RCBTB1: variants seen among roughly 807,000 people sequenced by gnomAD.
RCBTB1 encodes the protein RCC1 and BTB domain containing protein 1.
In RCBTB1, 46 loss-of-function variants were observed where a neutral mutation model predicts 62.4. The observed-to-expected ratio is 0.74, with a 90% CI of 0.58 to 0.94. The LOEUF (loss-of-function observed/expected upper bound fraction) is 0.94. RCBTB1 is among the 40% of genes least tolerant of loss of function. The pLI is 0.00. For synonymous variants in RCBTB1, 222 were observed against 245.8 expected, an observed-to-expected ratio of 0.90 and a Z score of 0.91; for missense variants, 565 against 654.9, an observed-to-expected ratio of 0.86 and a Z score of 1.50.
chr13:49,536,994 G>T (rs1199468726), intron 12 of RCBTB1, among the ~76,000 whole-genome samples: 1 of 152,014 alleles, frequency 6.6e-6, no homozygotes, highest in Non-Finnish European at 1.5e-5. Context: ...ACAAAACACA[G>T]AGCATTGATG....
At chr13:49,571,585 T>A (rs1963404609) in intron 2 of RCBTB1, among the ~76,000 whole-genome samples, 1 of 152,172 alleles carries the variant, frequency 6.6e-6, no homozygotes, top group Non-Finnish European at 1.5e-5. Flanking sequence ...CCATGCATGC[T>A]CAACCTGGGC....
chr13:49,568,716 G>A (rs568995195), intron 2 of RCBTB1, among the ~76,000 whole-genome samples: 123 of 152,160 alleles, frequency 8.1e-4, no homozygotes, highest in African/African-American at 2.8e-3. Flanking sequence ...AGATCAGGAG[G>A]TCAAGAGATC....
intron 9 of RCBTB1, among the ~76,000 whole-genome samples, chr13:49,548,076 G>A (rs185523749): frequency 6.6e-6 from 1 of 151,448 alleles, no homozygotes; most frequent in Non-Finnish European, 1.5e-5. Context: ...ACCACACCCA[G>A]CCGGTTCTTC....
Position 49,582,899 on chromosome 13 carries a change from G to A in RCBTB1, c.-121-2315C>T, listed in dbSNP as rs368158256. 7.2e-5 allele frequency among the ~76,000 whole-genome samples: 11 copies of A among 152,256 alleles called. No homozygotes were observed. The South Asian group carries it at 1.7e-3, about 23-fold the overall frequency. On this transcript the variant is annotated intron_variant, in intron 1 of 12. Coordinates refer to ENST00000378302, the MANE Select transcript of RCBTB1 (RefSeq NM_018191.4). ...AGCAATAAACAGTGGAGTGGAGGCCGGGTGTGGTTGCTCACGCCTGTAATC... is the reference window on the plus strand; with the variant it reads ...AGCAATAAACAGTGGAGTGGAGGCCAGGTGTGGTTGCTCACGCCTGTAATC...
rs57586924 is a variant in RCBTB1, at chr13:49,563,355, C to CAAAAAA, written c.277+3257_277+3262dup. 3.3e-4 allele frequency among the ~76,000 whole-genome samples: 17 copies of CAAAAAA among 52,208 alleles called. 1 individual carries two copies. Among genetic ancestry groups the CAAAAAA allele is most frequent in the South Asian group, 2.0e-3 (2 of 976 alleles). The allele number at this position is 52,208 out of a possible 152,430, so 34.3% of individuals were successfully genotyped here. ...TGACAGAGAGAGAGAGACCCTGCCT[C>CAAAAAA]AAAAAAAAAAAAAAAAAAAAAAAAA... On this transcript the variant is annotated intron_variant, in intron 4 of 12. Transcript: ENST00000378302.
intron 2 of RCBTB1, among the ~76,000 whole-genome samples, chr13:49,578,823 C>T (rs1963932630): frequency 6.6e-6 from 1 of 152,110 alleles, no homozygotes; most frequent in South Asian, 2.1e-4. Flanking sequence ...AGCCTTCTTC[C>T]TTTTTTAGCA....
intron 4 of RCBTB1, 41 bp downstream of exon 4, chr13:49,566,577 A>G (rs1388235521): frequency 6.3e-7 from 1 of 1,593,708 alleles, no homozygotes; most frequent in South Asian, 1.1e-5. Flanking sequence ...TAACCGGTCA[A>G]TTTCTTACAA....
In RCBTB1 at chr13:49,576,177, CAAAAAAAAAAAAAA is replaced by C. The variant is rs71078868; in HGVS notation, c.-42+4314_-42+4327del. On this transcript the variant is annotated intron_variant, in intron 2 of 12. Transcript: ENST00000378302. ...ACTCCAGCCTGGGCGACAGGCGTCG[CAAAAAAAAAAAAAA>C]AAAAAAAAAAAAAAAGTTGAGATGA... 7.9e-3 allele frequency among the ~76,000 whole-genome samples: 317 copies of C among 40,004 alleles called. 1 individual carries two copies. Among genetic ancestry groups the C allele is most frequent in the African/African-American group, 0.039 (308 of 7,930 alleles). The allele number at this position is 40,004 out of a possible 152,430, so 26.2% of individuals were successfully genotyped here. A position where few individuals can be genotyped will look rare whatever the true frequency, so the allele number is the denominator to read the frequency against.
intron 8 of RCBTB1, 52 bp downstream of exon 8, chr13:49,551,274 C>CCCCAAGGCCACATCGCACACACAGT: frequency 6.3e-7 from 1 of 1,598,924 alleles, no homozygotes; most frequent in Non-Finnish European, 8.5e-7. Flanking sequence ...CCACACACAG[C>CCCCAAGGCCACATCGCACACACAGT]CCCAAGGCCA....
chr13:49,575,506 A>T (rs1402819076), intron 2 of RCBTB1, among the ~76,000 whole-genome samples: 1 of 152,080 alleles, frequency 6.6e-6, no homozygotes, highest in Non-Finnish European at 1.5e-5. Flanking sequence ...GAATCAACCT[A>T]GGTGCCCGTT....
chr13:49,566,765 A>G lies in RCBTB1; in HGVS notation c.130T>C (p.Phe44Leu), dbSNP rs1594326067. The change falls in exon 4 of 13, where the codon TTT becomes CTT. Residue 44 changes from phenylalanine (F) to leucine (L), a missense_variant. By Grantham distance (22) the Phe-to-Leu change is conservative. Transcript: ENST00000378302. Reference sequence around the variant, plus strand: ...TTACTATAGTTCAGTCCAAATACAAAGACCTAGAAAATAGATAGTTTTTTT... The same window carrying G: ...TTACTATAGTTCAGTCCAAATACAAGGACCTAGAAAATAGATAGTTTTTTT... ...ALYVTDNDEV[F>L]VFGLNYSNCL... 6.2e-7 allele frequency: 1 copy of G among 1,600,138 alleles called. No individual in the cohort carries two copies. Among genetic ancestry groups the G allele is most frequent in the Non-Finnish European group, 8.5e-7 (1 of 1,175,538 alleles).
chr13:49,539,217 C>T (rs1177951766), intron 12 of RCBTB1, among the ~76,000 whole-genome samples: 1 of 151,834 alleles, frequency 6.6e-6, no homozygotes, highest in East Asian at 1.9e-4. Context: ...AATGTTTTCA[C>T]TCATTTATTT....
At chr13:49,534,347 A>C (rs1172061856) in intron 12 of RCBTB1, 85 bp from the exon 13 acceptor site, 5 of 1,353,952 alleles carry the variant, frequency 3.7e-6, no homozygotes, top group Non-Finnish European at 3.0e-6. Context: ...CTTTACCCCA[A>C]ATCTCTCACC....
At chr13:49,546,326 T>C in intron 9 of RCBTB1, 2 of 985,104 alleles carry the variant, frequency 2.0e-6, no homozygotes, top group Non-Finnish European at 2.4e-6. Context: ...GATCACAAAG[T>C]GAGAGGGAAA....
chr13:49,556,937 C>T (rs1299984367), intron 5 of RCBTB1, among the ~76,000 whole-genome samples: 2 of 152,168 alleles, frequency 1.3e-5, no homozygotes, highest in South Asian at 2.1e-4. Flanking sequence ...TTCTCAAATA[C>T]ATCACATTCC....
At chr13:49,534,304 G>A (rs372115553) in intron 12 of RCBTB1, 42 bp from the exon 13 acceptor site, 166 of 1,592,412 alleles carry the variant, frequency 1.0e-4, no homozygotes, top group Middle Eastern at 6.9e-4. Flanking sequence ...GGCTTTTTTA[G>A]GCAACTTTGA....
intron 9 of RCBTB1, chr13:49,546,180 C>T (rs867270582): frequency 5.1e-6 from 5 of 985,474 alleles, no homozygotes; most frequent in Middle Eastern, 5.2e-4. Flanking sequence ...GCTTCAACTT[C>T]TGCATCCAGT....
At position 49,560,043 on chromosome 13, in the gene RCBTB1, G is replaced by T. The variant is rs1035076307; in HGVS notation, c.319C>A (p.Leu107Ile). ...YAWGHNGYSQ[L>I]GNGTTNQGIA... ...CCTTGGTTGGTCGTCCCATTCCCAA[G>T]CTGGCTATATCCATTGTGGCCCCAG... The change falls in exon 5 of 13, where the codon CTT (leucine) becomes ATT (isoleucine). Residue 107 changes from leucine to isoleucine, a missense_variant. Leu to Ile is a conservative substitution (Grantham distance 5). Coordinates refer to ENST00000378302, the MANE Select transcript of RCBTB1 (RefSeq NM_018191.4). 5 of 1,614,126 alleles carry T rather than the reference G, an allele frequency of 3.1e-6. No homozygotes were observed. The East Asian group carries it at 8.9e-5, about 29-fold the overall frequency.
chr13:49,572,406 T>A (rs943524130), intron 2 of RCBTB1, among the ~76,000 whole-genome samples: 1 of 152,030 alleles, frequency 6.6e-6, no homozygotes, highest in East Asian at 1.9e-4. Context: ...ATGACATCTA[T>A]TAAATTTGCC....
Sources: allele counts gnomAD v4.1 joint callset (sites outside exome capture counted in the v4.1 genomes callset), GRCh38; gene constraint gnomAD v4.1.1; transcripts MANE v1.5; gene names NCBI Gene and HGNC (gene_info 2026-07-23, HGNC 2026-07-21).